The following SEMA5B variants were observed in gnomAD, a reference collection of about 807,000 sequenced individuals.
SEMA5B encodes semaphorin-5B.
A neutral mutation model predicts 135.0 loss-of-function variants in SEMA5B; 66 were observed. The observed-to-expected ratio is 0.49, with a 90% CI of 0.40 to 0.60. The LOEUF (loss-of-function observed/expected upper bound fraction) is 0.60. SEMA5B is among the 20% of genes least tolerant of loss of function. The pLI is 0.00. For synonymous variants in SEMA5B, 690 were observed against 639.5 expected (o/e 1.08, Z -1.19); for missense variants, 1,501 against 1,566.3 (o/e 0.96, Z 0.70).
intron 12 of SEMA5B, among the ~76,000 whole-genome samples, chr3:122,920,178 T>G (rs1398441236): frequency 6.6e-6 from 1 of 152,210 alleles, no homozygotes; most frequent in African/African-American, 2.4e-5. Flanking sequence ...AGGATTCAAG[T>G]CGAAGTCCTC....
rs570697826 is a variant in SEMA5B at position 122,915,606 on chromosome 3, G to A, written c.1822C>T (p.Arg608Trp). ...ITACPVRNVTRDGGFGPWSPW... is the reference protein window; with the variant it reads ...ITACPVRNVTWDGGFGPWSPW... The stretch of plus-strand genomic sequence containing the variant: ...GACCATGGGCCGAAGCCCCCATCCC[G>A]TGTCACATTCCGCACCTGAAGACAC... The change falls in exon 14 of 23, where the codon CGG (arginine) becomes TGG (tryptophan). Residue 608 changes from arginine to tryptophan, a missense_variant. By Grantham distance (101) the Arg-to-Trp change is moderately radical. Transcript: ENST00000357599. 137 of 1,612,408 alleles carry A rather than the reference G, an allele frequency of 8.5e-5. No homozygotes were observed. The South Asian group carries it at 1.3e-3, about 15-fold the overall frequency.
At chr3:122,925,649 G>A (rs984524920) in intron 9 of SEMA5B, among the ~76,000 whole-genome samples, 11 of 151,456 alleles carry the variant, frequency 7.3e-5, no homozygotes, top group African/African-American at 1.9e-4. Context: ...CAGCCTGGGC[G>A]ACAGAGCAAG....
At chr3:122,981,128 T>C (rs1448146352) in intron 1 of SEMA5B, among the ~76,000 whole-genome samples, 1 of 152,266 alleles carries the variant, frequency 6.6e-6, no homozygotes, top group African/African-American at 2.4e-5. Flanking sequence ...GTGTGTTAAA[T>C]GGACATGTGC....
At position 122,928,418 on chromosome 3, in the gene SEMA5B, T is replaced by A. The variant is rs1043764612; in HGVS notation, c.636+99A>T. 115 of 847,554 alleles carry A rather than the reference T, an allele frequency of 1.4e-4. 2 individuals are homozygous for A. The South Asian group carries it at 1.9e-3, about 14-fold the overall frequency. The allele number at this position is 847,554 out of a possible 1,614,324, so 52.5% of individuals were successfully genotyped here. A position where few individuals can be genotyped will look rare whatever the true frequency, so the allele number is the denominator to read the frequency against. ...CTTTTGTTTCTGTTTTGGGTGTCTG[T>A]TTGCAAAATTTGGTAACCCCCCTTC... On this transcript the variant is annotated intron_variant, in intron 7 of 22. Coordinates refer to ENST00000357599, the MANE Select transcript of SEMA5B (RefSeq NM_001031702.4).
chr3:122,949,449 G>A (rs1171202218), intron 2 of SEMA5B, among the ~76,000 whole-genome samples: 1 of 152,252 alleles, frequency 6.6e-6, no homozygotes, highest in Admixed American at 6.5e-5. Flanking sequence ...CTTGCTTCCA[G>A]CCTGCAAGTT....
At chr3:122,936,035 C>T (rs778196311) in intron 5 of SEMA5B, among the ~76,000 whole-genome samples, 13 of 152,190 alleles carry the variant, frequency 8.5e-5, no homozygotes, top group Non-Finnish European at 1.5e-4. Flanking sequence ...ATCTCTTCTT[C>T]ACTGACATCT....
At chr3:122,920,151 C>G (rs548418447) in intron 12 of SEMA5B, among the ~76,000 whole-genome samples, 1 of 152,222 alleles carries the variant, frequency 6.6e-6, no homozygotes, top group Non-Finnish European at 1.5e-5. Context: ...TAGGACCACT[C>G]CAGTGCCCAC....
chr3:122,978,701 C>T (rs1941420310), intron 1 of SEMA5B, among the ~76,000 whole-genome samples: 1 of 152,074 alleles, frequency 6.6e-6, no homozygotes, highest in Admixed American at 6.5e-5. Context: ...GGTGGAGAGG[C>T]ATGGACAGCC....
chr3:122,932,340 A>G (rs1329751492), intron 5 of SEMA5B, among the ~76,000 whole-genome samples: 3 of 142,400 alleles, frequency 2.1e-5, no homozygotes, highest in African/African-American at 7.8e-5. Context: ...TGCGGCCTCA[A>G]CCTCCTGGGT....
At chr3:122,957,254 C>G (rs890822553) in intron 2 of SEMA5B, among the ~76,000 whole-genome samples, 2 of 152,212 alleles carry the variant, frequency 1.3e-5, no homozygotes, top group Admixed American at 1.3e-4. Context: ...TGGATTAGAG[C>G]AGGCCATTTG....
chr3:122,922,558 T>A, intron 10 of SEMA5B, 111 bp from the exon 11 acceptor site: 1 of 965,382 alleles, frequency 1.0e-6, no homozygotes, highest in Non-Finnish European at 1.5e-6. Context: ...ACGCTGATTC[T>A]CCAGCACCCC....
At position 122,913,043 on chromosome 3, in the gene SEMA5B, A is replaced by G. The variant is rs1937834990; in HGVS notation, c.2525T>C (p.Leu842Pro). 3 of 1,554,012 alleles carry G rather than the reference A, an allele frequency of 1.9e-6. No individual in the cohort carries two copies. The highest frequency in any genetic ancestry group is 1.9e-5 in the Admixed American group (1 of 51,800). Reference protein sequence around the residue: ...CDTDALVEVLLRSGSTSPHTV... With the variant: ...CDTDALVEVLPRSGSTSPHTV... ...GTGCGGGGAGGTGCTCCCGCTGCGC[A>G]GGAGGACCTCCACCAGGGCTGCGGA... The change falls in exon 18 of 23, where the codon CTG becomes CCG. Residue 842 changes from leucine to proline, a missense_variant. By Grantham distance (98) the Leu-to-Pro change is moderately conservative. Transcript: ENST00000357599.
chr3:122,915,401 G>C (rs1271491884), intron 14 of SEMA5B, 39 bp downstream of exon 14: 2 of 1,562,932 alleles, frequency 1.3e-6, no homozygotes, highest in African/African-American at 2.7e-5. Context: ...CCCCACCCTG[G>C]TCCAAGGCAG....
intron 1 of SEMA5B, chr3:122,993,375 C>A (rs769540628): frequency 1.3e-5 from 2 of 152,272 alleles, no homozygotes; most frequent in African/African-American, 4.8e-5. Context: ...GGCTCCCTCT[C>A]CCGTGTTTCC....
chr3:123,003,220 A>G (rs181798923), intron 1 of SEMA5B, among the ~76,000 whole-genome samples: 4 of 152,310 alleles, frequency 2.6e-5, no homozygotes, highest in Admixed American at 2.6e-4. Flanking sequence ...CCTACTTCCA[A>G]ATCAAAACAT....
chr3:122,913,095 C>T (rs773692028), intron 17 of SEMA5B, 34 bp from the exon 18 acceptor site: 8 of 1,419,656 alleles, frequency 5.6e-6, no homozygotes. Flanking sequence ...GACTGGGCGC[C>T]CGGCCACCCC....
intron 4 of SEMA5B, among the ~76,000 whole-genome samples, chr3:122,940,972 C>T (rs541850890): frequency 3.0e-3 from 463 of 152,298 alleles, no homozygotes; most frequent in Non-Finnish European, 4.6e-3. Context: ...TCATTTTTAT[C>T]CCATCAAAAA....
At chr3:122,985,311 A>C (rs1189667669) in intron 1 of SEMA5B, among the ~76,000 whole-genome samples, 4 of 152,154 alleles carry the variant, frequency 2.6e-5, no homozygotes, top group Admixed American at 2.6e-4. Flanking sequence ...TGGGCAATAT[A>C]GCAAGACCCT....
chr3:122,975,753 C>G (rs138936632), intron 1 of SEMA5B, among the ~76,000 whole-genome samples: 271 of 152,248 alleles, frequency 1.8e-3, no homozygotes, highest in African/African-American at 6.4e-3. Flanking sequence ...TCTCTCCTCT[C>G]CAATCCATCC....
Sources: gnomAD v4.1 joint callset for allele counts (sites outside exome capture counted in the v4.1 genomes callset) on GRCh38, gnomAD v4.1.1 for gene constraint, MANE v1.5 for transcripts, NCBI Gene and HGNC (gene_info 2026-07-23, HGNC 2026-07-21) for gene names.